VSTM1: variants seen among roughly 807,000 people sequenced by gnomAD.
VSTM1 encodes the protein V-set and transmembrane domain containing 1.
Under a neutral mutation model 33.1 loss-of-function variants are expected in VSTM1, and 27 were observed. That is an observed-to-expected ratio of 0.82 (90% CI 0.60 to 1.12). The LOEUF (loss-of-function observed/expected upper bound fraction) is 1.12. Among genes scored for constraint, VSTM1 ranks in the 50% most tolerant of loss-of-function variants. The probability of loss-of-function intolerance (pLI) is 0.00; values close to 1 mark genes in which losing one functional copy is unlikely to be tolerated. For synonymous variants in VSTM1, 115 were observed against 110.3 expected (o/e 1.04, Z -0.27); for missense variants, 304 against 288.9 (o/e 1.05, Z -0.38).
chr19:54,046,599 C>T (rs2070604427), intron 4 of VSTM1, among the ~76,000 whole-genome samples: 1 of 152,044 alleles, frequency 6.6e-6, no homozygotes, highest in Non-Finnish European at 1.5e-5. Flanking sequence ...CCCATGTTCC[C>T]CAGATCCCTT....
At chr19:54,060,423 C>T (rs1233021342) in intron 1 of VSTM1, among the ~76,000 whole-genome samples, 5 of 152,176 alleles carry the variant, frequency 3.3e-5, no homozygotes, top group African/African-American at 1.2e-4. Context: ...TGTCTCAGGA[C>T]ATTGGTTCCT....
At position 54,056,248 on chromosome 19, in the gene VSTM1, T is replaced by C. The variant is rs1235822899; in HGVS notation, c.355+2058A>G. ...TTTTTTTTTTTTTTTTTGAGACAGG[T>C]TCTCATTCTATCACCCAGGCTTGAG... On this transcript the variant is annotated intron_variant, in intron 3 of 8. Coordinates refer to ENST00000338372, the MANE Select transcript of VSTM1 (RefSeq NM_198481.4). 2.9e-5 allele frequency among the ~76,000 whole-genome samples: 3 copies of C among 103,576 alleles called. 1 individual carries two copies. Among genetic ancestry groups the C allele is most frequent in the African/African-American group, 1.3e-4 (3 of 23,746 alleles). 67.9% of individuals were successfully genotyped at this position (103,576 alleles called of 152,430 possible). A position where few individuals can be genotyped will look rare whatever the true frequency, so the allele number is the denominator to read the frequency against.
chr19:54,043,889 AGGGGAGAG>A (rs1351822665), intron 4 of VSTM1, among the ~76,000 whole-genome samples: 132 of 151,708 alleles, frequency 8.7e-4, no homozygotes, highest in Non-Finnish European at 1.6e-3. Context: ...AGGGGAGAGG[AGGGGAGAG>A]GAGGGAGGTC....
intron 1 of VSTM1, among the ~76,000 whole-genome samples, chr19:54,063,033 T>C (rs2071471653): frequency 6.6e-6 from 1 of 152,114 alleles, no homozygotes; most frequent in South Asian, 2.1e-4. Flanking sequence ...AGAATCGAGC[T>C]GGTCAGAAAA....
At chr19:54,059,346 C>A (rs1016563685) in intron 1 of VSTM1, among the ~76,000 whole-genome samples, 3 of 152,016 alleles carry the variant, frequency 2.0e-5, no homozygotes, top group African/African-American at 7.3e-5. Context: ...CAGGCGTGAG[C>A]CACTGCCCCC....
rs1286242421 is a variant in VSTM1 at position 54,040,831 on chromosome 19, T to C, written c.*130A>G. 1.1e-5 allele frequency: 14 copies of C among 1,276,114 alleles called. No homozygotes were observed. In the South Asian group the frequency reaches 2.3e-4, roughly 21 times the overall value. The allele number at this position is 1,276,114 out of a possible 1,614,324, so 79.0% of individuals were successfully genotyped here. A position where few individuals can be genotyped will look rare whatever the true frequency, so the allele number is the denominator to read the frequency against. On this transcript the variant is annotated 3_prime_UTR_variant, in exon 9 of 9. Transcript: ENST00000338372. ...AATCCATAAATAAGTCAGATTTCTTTTTAAGACGAGAAACTTAATTTTATT... is the reference window on the plus strand; with the variant it reads ...AATCCATAAATAAGTCAGATTTCTTCTTAAGACGAGAAACTTAATTTTATT...
At chr19:54,048,692 T>C (rs2070710089) in intron 4 of VSTM1, among the ~76,000 whole-genome samples, 1 of 152,150 alleles carries the variant, frequency 6.6e-6, no homozygotes, top group Admixed American at 6.5e-5. Context: ...ATACTCAAGA[T>C]AATTTACAGC....
chr19:54,059,059 C>CT (rs68002308), intron 1 of VSTM1, among the ~76,000 whole-genome samples: 5,271 of 104,174 alleles, frequency 0.051, 160 homozygotes, highest in Non-Finnish European at 0.076. Context: ...CTTCTTCTTT[C>CT]TTTTTTTTTT....
At chr19:54,051,310 C>T in intron 4 of VSTM1, 100 bp downstream of exon 4, 1 of 1,101,710 alleles carries the variant, frequency 9.1e-7, no homozygotes, top group Admixed American at 2.6e-5. Flanking sequence ...AACAAACAAA[C>T]AAACAAACAA....
intron 4 of VSTM1, among the ~76,000 whole-genome samples, chr19:54,048,947 G>C (rs935985652): frequency 1.3e-5 from 2 of 152,138 alleles, no homozygotes; most frequent in Non-Finnish European, 2.9e-5. Flanking sequence ...AGCTAGGCAT[G>C]GTGACGGGCG....
At chr19:54,042,812 A>G (rs1234567800) in intron 4 of VSTM1, among the ~76,000 whole-genome samples, 46 of 39,122 alleles carry the variant, frequency 1.2e-3, no homozygotes, top group Admixed American at 3.0e-3. Flanking sequence ...ATGTGTATAT[A>G]TATATATATA....
chr19:54,063,846 C>A lies in VSTM1; in HGVS notation c.-69G>T. ...CCTTCAAAGGCGGAGCGGGACTGGG[C>A]CGGCCGCAGCTCTCCGGCTGCCCGG... On this transcript the variant is annotated 5_prime_UTR_variant, in exon 1 of 9. Coordinates refer to ENST00000338372, the MANE Select transcript of VSTM1 (RefSeq NM_198481.4). 1 of 1,564,176 alleles carries A rather than the reference C, an allele frequency of 6.4e-7. No homozygotes were observed.
At chr19:54,057,941 T>C (rs2071182058) in intron 3 of VSTM1, among the ~76,000 whole-genome samples, 1 of 151,404 alleles carries the variant, frequency 6.6e-6, no homozygotes, top group South Asian at 2.1e-4. Flanking sequence ...CTCATCTTTA[T>C]TAAAAATACA....
chr19:54,060,329 T>G (rs1334942814), intron 1 of VSTM1, among the ~76,000 whole-genome samples: 1 of 152,074 alleles, frequency 6.6e-6, no homozygotes, highest in East Asian at 1.9e-4. Context: ...TAAACTTGGG[T>G]GGAAAATGGG....
At chr19:54,062,990 A>C (rs1375069559) in intron 1 of VSTM1, among the ~76,000 whole-genome samples, 1 of 152,096 alleles carries the variant, frequency 6.6e-6, no homozygotes, top group Non-Finnish European at 1.5e-5. Context: ...TGAATACATC[A>C]GGTTCAATTG....
In VSTM1 at chr19:54,063,848, G is replaced by C; in HGVS notation, c.-71C>G. 6.4e-7 allele frequency: 1 copy of C among 1,559,520 alleles called. No homozygotes were observed. The highest frequency in any genetic ancestry group is 8.7e-7 in the Non-Finnish European group (1 of 1,145,100). On this transcript the variant is annotated 5_prime_UTR_variant, in exon 1 of 9. Transcript: ENST00000338372. ...TTCAAAGGCGGAGCGGGACTGGGCCGGCCGCAGCTCTCCGGCTGCCCGGTT... is the reference window on the plus strand; with the variant it reads ...TTCAAAGGCGGAGCGGGACTGGGCCCGCCGCAGCTCTCCGGCTGCCCGGTT...
chr19:54,063,870 G>C lies in VSTM1; in HGVS notation c.-93C>G, dbSNP rs1402966703. On this transcript the variant is annotated 5_prime_UTR_variant, in exon 1 of 9. Coordinates refer to ENST00000338372, the MANE Select transcript of VSTM1 (RefSeq NM_198481.4). ...GCCGGCCGCAGCTCTCCGGCTGCCC[G>C]GTTCGTCCCCAGGATGTGCAGATAG... 1.3e-5 allele frequency: 19 copies of C among 1,426,100 alleles called. No individual in the cohort carries two copies. The South Asian group carries it at 2.4e-4, about 18-fold the overall frequency. The allele number at this position is 1,426,100 out of a possible 1,614,324, so 88.3% of individuals were successfully genotyped here.
intron 4 of VSTM1, among the ~76,000 whole-genome samples, chr19:54,046,179 C>G (rs1479384412): frequency 6.6e-6 from 1 of 152,112 alleles, no homozygotes; most frequent in African/African-American, 2.4e-5. Flanking sequence ...ATCTATTTAT[C>G]TGCCTACTTG....
At position 54,040,843 on chromosome 19, in the gene VSTM1, A is replaced by T; in HGVS notation, c.*118T>A. The T allele has an allele frequency of 7.3e-7, 1 of 1,366,460 alleles. No individual in the cohort carries two copies. Among genetic ancestry groups the T allele is most frequent in the Non-Finnish European group, 9.7e-7 (1 of 1,027,496 alleles). 84.6% of individuals were successfully genotyped at this position (1,366,460 alleles called of 1,614,324 possible). A position where few individuals can be genotyped will look rare whatever the true frequency, so the allele number is the denominator to read the frequency against. On this transcript the variant is annotated 3_prime_UTR_variant, in exon 9 of 9. Coordinates refer to ENST00000338372, the MANE Select transcript of VSTM1 (RefSeq NM_198481.4). The stretch of plus-strand genomic sequence containing the variant: ...AGTCAGATTTCTTTTTAAGACGAGA[A>T]ACTTAATTTTATTGATATGGACGAA...
Sources: allele counts gnomAD v4.1 joint callset (sites outside exome capture counted in the v4.1 genomes callset), GRCh38; gene constraint gnomAD v4.1.1; transcripts MANE v1.5; gene names NCBI Gene and HGNC (gene_info 2026-07-23, HGNC 2026-07-21).